The following NUDT3 variants were observed in gnomAD, a reference collection of about 807,000 sequenced individuals.
NUDT3 encodes the protein nudix hydrolase 3.
A neutral mutation model predicts 23.6 loss-of-function variants in NUDT3; 9 were observed. The observed-to-expected ratio is 0.38, with a 90% CI of 0.23 to 0.66. The LOEUF is 0.66. Among genes scored for constraint, NUDT3 ranks in the 30% least tolerant of loss-of-function variants. The probability of loss-of-function intolerance (pLI) is 0.52; values close to 1 mark genes in which losing one functional copy is unlikely to be tolerated. For synonymous variants in NUDT3, 86 were observed against 82.6 expected, an observed-to-expected ratio of 1.04 and a Z score of -0.22; for missense variants, 172 against 218.5, an observed-to-expected ratio of 0.79 and a Z score of 1.34.
chr6:34,342,119 T>C, intron 1 of NUDT3, 147 bp from the exon 2 acceptor site: 1 of 706,440 alleles, frequency 1.4e-6, no homozygotes, highest in Admixed American at 3.1e-5. Flanking sequence ...AAAGTAGCTT[T>C]CGTTTCTATT....
intron 2 of NUDT3, among the ~76,000 whole-genome samples, chr6:34,326,133 G>A (rs774944275): frequency 2.6e-4 from 39 of 150,982 alleles, no homozygotes; most frequent in Middle Eastern, 6.8e-3. Flanking sequence ...ATGGAAGTTC[G>A]AGAATGCCAT....
At chr6:34,326,980 A>G (rs1764043996) in intron 2 of NUDT3, among the ~76,000 whole-genome samples, 1 of 152,114 alleles carries the variant, frequency 6.6e-6, no homozygotes, top group African/African-American at 2.4e-5. Flanking sequence ...GGACAAAGAG[A>G]TAAAGAGAAA....
intron 1 of NUDT3, among the ~76,000 whole-genome samples, chr6:34,360,089 C>T (rs1764624910): frequency 6.6e-6 from 1 of 151,856 alleles, no homozygotes; most frequent in African/African-American, 2.4e-5. Flanking sequence ...TTTAGCCAGG[C>T]ATGGTGACAC....
At chr6:34,344,254 C>T (rs1183114195) in intron 1 of NUDT3, among the ~76,000 whole-genome samples, 2 of 152,048 alleles carry the variant, frequency 1.3e-5, no homozygotes, top group Non-Finnish European at 2.9e-5. Context: ...ATGTTTATAG[C>T]AGCATTATTT....
rs1763365550 is a variant in NUDT3 at position 34,288,434 on chromosome 6, G to A, written c.*319C>T. ...GCCAGGGCCAGGATAAGACAAACAG[G>A]AACACTTCAGAATCCAAGGCAGGGG... On this transcript the variant is annotated 3_prime_UTR_variant, in exon 5 of 5. Coordinates refer to ENST00000607016, the MANE Select transcript of NUDT3 (RefSeq NM_006703.4). 1.2e-5 allele frequency: 3 copies of A among 240,626 alleles called. No homozygotes were observed. Among genetic ancestry groups the A allele is most frequent in the South Asian group, 1.2e-4 (1 of 8,012 alleles). 14.9% of individuals were successfully genotyped at this position (240,626 alleles called of 1,614,324 possible).
chr6:34,308,793 T>C (rs1190857745), intron 2 of NUDT3, among the ~76,000 whole-genome samples: 2 of 152,078 alleles, frequency 1.3e-5, no homozygotes, highest in African/African-American at 4.8e-5. Flanking sequence ...TCAAAATACA[T>C]GAAGCAAAAA....
In NUDT3 at chr6:34,351,284, G is replaced by A. The variant is rs373823535; in HGVS notation, c.100-9312C>T. On this transcript the variant is annotated intron_variant, in intron 1 of 4. Coordinates refer to ENST00000607016, the MANE Select transcript of NUDT3 (RefSeq NM_006703.4). ...GAGGCCAGGCGTTCAAGACCAGTCT[G>A]GGCAATATGGAGAGACCTGTCTCTA... 2.8e-4 allele frequency among the ~76,000 whole-genome samples: 40 copies of A among 143,270 alleles called. 1 individual carries two copies. In the East Asian group the frequency reaches 4.5e-3, roughly 16 times the overall value. 94.0% of individuals were successfully genotyped at this position (143,270 alleles called of 152,430 possible). A position where few individuals can be genotyped will look rare whatever the true frequency, so the allele number is the denominator to read the frequency against.
intron 2 of NUDT3, among the ~76,000 whole-genome samples, chr6:34,335,904 T>C (rs79967374): frequency 0.096 from 14,590 of 152,140 alleles, 803 homozygotes; most frequent in Non-Finnish European, 0.12. Context: ...GTTTTTATTA[T>C]TAATTTTTAT....
At chr6:34,386,881 G>A (rs533815859) in intron 1 of NUDT3, among the ~76,000 whole-genome samples, 2 of 152,342 alleles carry the variant, frequency 1.3e-5, no homozygotes, top group South Asian at 4.1e-4. Context: ...TAGGGAGGCT[G>A]AGGATGCAGA....
intron 2 of NUDT3, among the ~76,000 whole-genome samples, chr6:34,331,798 C>T (rs1445723301): frequency 6.6e-6 from 1 of 152,190 alleles, no homozygotes. Flanking sequence ...TATAGTATAA[C>T]TACAGTTGAT....
At chr6:34,382,623 T>C (rs893972416) in intron 1 of NUDT3, among the ~76,000 whole-genome samples, 6 of 151,710 alleles carry the variant, frequency 4.0e-5, no homozygotes, top group African/African-American at 1.5e-4. Flanking sequence ...CTGCTTCAGC[T>C]CAGGAGTTTG....
At chr6:34,303,695 T>C (rs970174495) in intron 2 of NUDT3, among the ~76,000 whole-genome samples, 8 of 152,228 alleles carry the variant, frequency 5.3e-5, no homozygotes, top group Non-Finnish European at 7.3e-5. Context: ...TTAGAATTTG[T>C]GCAAATTCTC....
intron 1 of NUDT3, among the ~76,000 whole-genome samples, chr6:34,343,302 C>T (rs1285544806): frequency 1.3e-5 from 2 of 151,212 alleles, no homozygotes; most frequent in East Asian, 1.9e-4. Context: ...GTAATCCCAG[C>T]ACTTCGGGAG....
At chr6:34,366,223 A>G (rs1008763302) in intron 1 of NUDT3, among the ~76,000 whole-genome samples, 4 of 150,312 alleles carry the variant, frequency 2.7e-5, no homozygotes, top group Admixed American at 6.6e-5. Context: ...AAAAATACAA[A>G]AAGTAGCTGG....
Position 34,356,707 on chromosome 6 carries a change from G to GA in NUDT3, c.100-14736dup, listed in dbSNP as rs55841266. Among the ~76,000 whole-genome samples the GA allele has an allele frequency of 8.5e-3, 1,278 of 150,794 alleles. 14 individuals carry two copies. Among genetic ancestry groups the GA allele is most frequent in the African/African-American group, 0.023 (950 of 41,136 alleles). ...TGGGGAATAATGACAAACTGAGGGG[G>GA]AAAAAAAAATCAATCATTTATTTTG... On this transcript the variant is annotated intron_variant, in intron 1 of 4. Transcript: ENST00000607016.
intron 2 of NUDT3, among the ~76,000 whole-genome samples, chr6:34,334,740 G>A (rs898655027): frequency 6.6e-6 from 1 of 151,924 alleles, no homozygotes; most frequent in Admixed American, 6.6e-5. Flanking sequence ...GGAGACCCTC[G>A]GCAACATAGC....
intron 1 of NUDT3, among the ~76,000 whole-genome samples, chr6:34,342,817 T>C (rs1764308165): frequency 6.6e-6 from 1 of 152,214 alleles, no homozygotes; most frequent in Non-Finnish European, 1.5e-5. Context: ...AACCAAACTC[T>C]GCAACCATCC....
In NUDT3 at chr6:34,392,564, C is replaced by T. The variant is rs1226596751; in HGVS notation, c.-202G>A. 8.1e-6 allele frequency: 3 copies of T among 368,954 alleles called. No individual in the cohort carries two copies. Among genetic ancestry groups the T allele is most frequent in the Admixed American group, 9.6e-5 (2 of 20,760 alleles). 22.9% of individuals were successfully genotyped at this position (368,954 alleles called of 1,614,324 possible). On this transcript the variant is annotated 5_prime_UTR_variant, in exon 1 of 5. Coordinates refer to ENST00000607016, the MANE Select transcript of NUDT3 (RefSeq NM_006703.4). ...CCAGGTCCCGCGCCGCCGCTGCCAC[C>T]GTCACGGCTGCCGTCTCCGCTGCCG... is the stretch of plus-strand genomic sequence containing the variant.
Position 34,283,257 on chromosome 6 carries a change from T to C in NUDT3, c.*5496A>G, listed in dbSNP as rs1489943648. Reference sequence around the variant, plus strand: ...TCTTGCTCTGTCGCCTAGGCTGCAGTGCAGTGGCGGGATCTCGGCTCACTG... The same window carrying C: ...TCTTGCTCTGTCGCCTAGGCTGCAGCGCAGTGGCGGGATCTCGGCTCACTG... On this transcript the variant is annotated 3_prime_UTR_variant, in exon 5 of 5. Transcript: ENST00000607016. 4 of 148,674 alleles carry C rather than the reference T, an allele frequency of 2.7e-5. No homozygotes were observed. The highest frequency in any genetic ancestry group is 1.0e-4 in the African/African-American group (4 of 39,962). 9.2% of individuals were successfully genotyped at this position (148,674 alleles called of 1,614,324 possible).
Sources: gnomAD v4.1 joint callset for allele counts (sites outside exome capture counted in the v4.1 genomes callset) on GRCh38, gnomAD v4.1.1 for gene constraint, MANE v1.5 for transcripts, NCBI Gene and HGNC (gene_info 2026-07-23, HGNC 2026-07-21) for gene names.